The following ACTA2 variants were observed in gnomAD, a reference collection of about 807,000 sequenced individuals.
The protein encoded by ACTA2 is actin alpha 2, smooth muscle.
In ACTA2, 12 loss-of-function variants were observed where a neutral mutation model predicts 39.5. That is an observed-to-expected ratio of 0.30 (90% CI 0.19 to 0.49). The LOEUF is 0.49. ACTA2 is among the 20% of genes least tolerant of loss of function. The probability of loss-of-function intolerance (pLI) is 0.99; values close to 1 mark genes in which losing one functional copy is unlikely to be tolerated. For synonymous variants in ACTA2, 158 were observed against 180.6 expected (o/e 0.88, Z 1.00); for missense variants, 236 against 498.8 (o/e 0.47, Z 5.02).
chr10:88,935,858 G>A (rs181971304), intron 8 of ACTA2, among the ~76,000 whole-genome samples: 1 of 152,300 alleles, frequency 6.6e-6, no homozygotes, highest in East Asian at 1.9e-4. Flanking sequence ...TAACATTGGG[G>A]AACTCAGGGT....
At chr10:88,962,954 T>G (rs1846256945) in intron 1 of ACTA2, among the ~76,000 whole-genome samples, 1 of 24,382 alleles carries the variant, frequency 4.1e-5, no homozygotes, top group Non-Finnish European at 8.5e-5. Flanking sequence ...TATATATATA[T>G]ATATATATAT....
chr10:88,973,009 C>T (rs1360574142), intron 1 of ACTA2, among the ~76,000 whole-genome samples: 1 of 152,166 alleles, frequency 6.6e-6, no homozygotes, highest in Non-Finnish European at 1.5e-5. Context: ...AATACTAAAG[C>T]AAAATTGAAA....
chr10:88,946,833 G>A (rs1845957519), intron 3 of ACTA2: 2 of 202,190 alleles, frequency 9.9e-6, no homozygotes, highest in Non-Finnish European at 2.0e-5. Flanking sequence ...ATGTTGGTGT[G>A]CTGCACCCAT....
At chr10:88,967,274 A>G (rs1441880397) in intron 1 of ACTA2, among the ~76,000 whole-genome samples, 2 of 152,166 alleles carry the variant, frequency 1.3e-5, no homozygotes, top group Non-Finnish European at 2.9e-5. Context: ...CTTATTACCT[A>G]TGATAAAAGG....
intron 2 of ACTA2, 65 bp downstream of exon 2, chr10:88,948,737 G>A: frequency 1.9e-6 from 3 of 1,604,586 alleles, no homozygotes; most frequent in East Asian, 2.2e-5. Context: ...ACAATCTGGG[G>A]ATAAACATGA....
intron 2 of ACTA2, 154 bp downstream of exon 2, chr10:88,948,648 T>G (rs1324995038): frequency 1.0e-6 from 1 of 964,244 alleles, no homozygotes; most frequent in African/African-American, 1.6e-5. Flanking sequence ...ATATGTGAAA[T>G]TGGCATTTAC....
upstream of ACTA2, among the ~76,000 whole-genome samples, chr10:88,957,496 A>AT (rs1162399008): frequency 2.0e-5 from 3 of 152,050 alleles, no homozygotes; most frequent in African/African-American, 7.2e-5. Flanking sequence ...TTGCACTTAC[A>AT]TTTTTTCCTG....
intron 3 of ACTA2, among the ~76,000 whole-genome samples, chr10:88,945,555 T>C (rs923546503): frequency 1.3e-5 from 2 of 152,244 alleles, no homozygotes; most frequent in Non-Finnish European, 2.9e-5. Context: ...GTGTCTGTAA[T>C]GTTTAATGAC....
At position 88,974,205 on chromosome 10, in the gene ACTA2, C is replaced by T. The variant is rs529968340; in HGVS notation, c.-24+16734G>A. 4 of 151,836 alleles carry T rather than the reference C, an allele frequency of 2.6e-5. No homozygotes were observed. The South Asian group carries it at 8.3e-4, about 32-fold the overall frequency. 9.4% of individuals were successfully genotyped at this position (151,836 alleles called of 1,614,324 possible). ...GACATTGAGAGGACCCAGAAATATA[C>T]CCTGACTAACGTGGGTGGAATTTCA... On this transcript the variant is annotated intron_variant, in intron 1 of 4. Coordinates refer to the ACTA2 transcript ENST00000415557.
Position 88,981,683 on chromosome 10 carries a change from G to A in ACTA2, c.-24+9256C>T, listed in dbSNP as rs1846714979. Among the ~76,000 whole-genome samples, 6 of 152,172 alleles carry A rather than the reference G, an allele frequency of 3.9e-5. No homozygotes were observed. In the South Asian group the frequency reaches 1.2e-3, roughly 31 times the overall value. On this transcript the variant is annotated intron_variant, in intron 1 of 4. Coordinates refer to the ACTA2 transcript ENST00000415557. ...TCCTGGGAAGGGAACACTGTAGGGA[G>A]GGAGAGAGAGGCTGGATGGGGGAAA...
chr10:88,955,894 C>T (rs1382070692), upstream of ACTA2, among the ~76,000 whole-genome samples: 3 of 152,136 alleles, frequency 2.0e-5, no homozygotes, highest in African/African-American at 4.8e-5. Flanking sequence ...ACTGTATCCC[C>T]TCTGTGCCTT....
At chr10:88,941,184 G>A (rs756108427) in intron 6 of ACTA2, 45 bp downstream of exon 6, 6 of 1,611,366 alleles carry the variant, frequency 3.7e-6, no homozygotes, top group Non-Finnish European at 5.1e-6. Context: ...AAGTTACTGA[G>A]CAACACACTG....
At chr10:88,962,973 A>G (rs1251503178) in intron 1 of ACTA2, among the ~76,000 whole-genome samples, 14 of 55,690 alleles carry the variant, frequency 2.5e-4, no homozygotes, top group South Asian at 6.5e-4. Flanking sequence ...ATATATATAT[A>G]TATAATATTT....
chr10:88,977,447 C>G (rs555724109), intron 1 of ACTA2, among the ~76,000 whole-genome samples: 19 of 151,964 alleles, frequency 1.3e-4, no homozygotes, highest in Non-Finnish European at 2.4e-4. Context: ...TTGTTTTTCT[C>G]AGGTTTGTCA....
chr10:88,935,900 G>C (rs1845729187), intron 8 of ACTA2, among the ~76,000 whole-genome samples: 1 of 152,184 alleles, frequency 6.6e-6, no homozygotes, highest in Non-Finnish European at 1.5e-5. Flanking sequence ...TGCAATAGGT[G>C]CCTCTTAAGC....
Position 88,938,354 on chromosome 10 carries a change from G to A in ACTA2, c.809-112C>T, listed in dbSNP as rs910968960. Reference sequence around the variant, plus strand: ...TCTTGCAGTGGACTGAGGCTGGGAAGACATAATAATCTAGGAACCACCTGT... The same window carrying A: ...TCTTGCAGTGGACTGAGGCTGGGAAAACATAATAATCTAGGAACCACCTGT... On this transcript the variant is annotated intron_variant, in intron 7 of 8. Coordinates refer to ENST00000224784, the MANE Select transcript of ACTA2 (RefSeq NM_001613.4). The A allele has an allele frequency of 4.1e-6, 5 of 1,216,016 alleles. No homozygotes were observed. The African/African-American group carries it at 6.0e-5, about 15-fold the overall frequency. 75.3% of individuals were successfully genotyped at this position (1,216,016 alleles called of 1,614,324 possible).
chr10:88,935,586 G>A (rs570152382), intron 8 of ACTA2: 10 of 501,912 alleles, frequency 2.0e-5, no homozygotes, highest in South Asian at 1.4e-4. Context: ...AAGCACATTC[G>A]TTTTTCTCAC....
chr10:88,981,785 T>C (rs1846719627), intron 1 of ACTA2, among the ~76,000 whole-genome samples: 3 of 152,262 alleles, frequency 2.0e-5, no homozygotes, highest in Admixed American at 2.0e-4. Context: ...CTCGTGGGTA[T>C]GTAAAGGTTT....
At chr10:88,940,451 A>G (rs933973942) in intron 6 of ACTA2, 2 of 155,498 alleles carry the variant, frequency 1.3e-5, no homozygotes, top group Admixed American at 1.2e-4. Flanking sequence ...AGACTTTAAC[A>G]TTGGCAGGGT....
Sources: gnomAD v4.1 joint callset for allele counts (sites outside exome capture counted in the v4.1 genomes callset) on GRCh38, gnomAD v4.1.1 for gene constraint, MANE v1.5 for transcripts, NCBI Gene and HGNC (gene_info 2026-07-23, HGNC 2026-07-21) for gene names.